Variants in R3HDM1 observed in about 807,000 individuals in gnomAD.
The protein encoded by R3HDM1 is R3H domain-containing protein 1.
In R3HDM1, 46 loss-of-function variants were observed where a neutral mutation model predicts 141.1. The ratio of observed to expected loss-of-function variants is 0.33; its 90% confidence interval spans 0.26 to 0.42. The LOEUF is 0.42. Among genes scored for constraint, R3HDM1 ranks in the 10% least tolerant of loss-of-function variants. The pLI, the probability that R3HDM1 is intolerant of heterozygous loss-of-function variation, is 1.00. For missense variants in R3HDM1, 1,184 were observed against 1,368.3 expected (o/e 0.87, Z 2.12); for synonymous variants, 435 against 472.9 (o/e 0.92, Z 1.04).
At chr2:135,708,384 C>CT (rs958375167) in intron 21 of R3HDM1, among the ~76,000 whole-genome samples, 1 of 152,164 alleles carries the variant, frequency 6.6e-6, no homozygotes, top group Non-Finnish European at 1.5e-5. Flanking sequence ...TTTAACATGT[C>CT]TTCCTGTATT....
intron 19 of R3HDM1, among the ~76,000 whole-genome samples, chr2:135,668,109 C>T (rs763218823): frequency 3.3e-5 from 5 of 152,094 alleles, no homozygotes; most frequent in African/African-American, 4.8e-5. Context: ...GAGTAAGGTT[C>T]TTATCTTTGA....
At chr2:135,616,234 TC>T in intron 4 of R3HDM1, 41 bp downstream of exon 4, 1 of 1,551,718 alleles carries the variant, frequency 6.4e-7, no homozygotes, top group Non-Finnish European at 8.9e-7. Flanking sequence ...CCAAGGGCCT[TC>T]CTTCATGCTT....
intron 21 of R3HDM1, among the ~76,000 whole-genome samples, chr2:135,696,342 G>A (rs2105393625): frequency 6.6e-6 from 1 of 152,304 alleles, no homozygotes; most frequent in Non-Finnish European, 1.5e-5. Flanking sequence ...AGAGTTTATG[G>A]GGAAGAAGGG....
chr2:135,649,027 C>T (rs2064808010), intron 16 of R3HDM1: 1 of 149,614 alleles, frequency 6.7e-6, no homozygotes, highest in South Asian at 2.1e-4. Flanking sequence ...GTTCCTTAGG[C>T]TATTATTCTT....
chr2:135,594,707 G>C (rs989015246), intron 1 of R3HDM1, among the ~76,000 whole-genome samples: 4 of 152,060 alleles, frequency 2.6e-5, no homozygotes, highest in African/African-American at 4.8e-5. Flanking sequence ...ATACATTTCA[G>C]GCTTATTCAC....
rs1695966534 is a variant in R3HDM1, at chr2:135,535,775, A to T, written c.-250+4142A>T. ...AACACATTTGCTTGTACCTAATGAG[A>T]CGTTAGCATCAACATGACTGTATAT... On this transcript the variant is annotated intron_variant, in intron 1 of 26. Coordinates refer to ENST00000683871, the MANE Select transcript of R3HDM1 (RefSeq NM_001378107.1). 3.3e-5 allele frequency among the ~76,000 whole-genome samples: 5 copies of T among 152,320 alleles called. No individual in the cohort carries two copies. In the South Asian group the frequency reaches 1.0e-3, roughly 32 times the overall value.
At chr2:135,632,658 C>A (rs149138207) in intron 9 of R3HDM1, among the ~76,000 whole-genome samples, 4 of 152,138 alleles carry the variant, frequency 2.6e-5, no homozygotes, top group African/African-American at 9.7e-5. Context: ...ACAGCACATC[C>A]GTTACATCTT....
At chr2:135,563,167 A>C (rs934739016) in intron 1 of R3HDM1, among the ~76,000 whole-genome samples, 1 of 152,192 alleles carries the variant, frequency 6.6e-6, no homozygotes, top group African/African-American at 2.4e-5. Flanking sequence ...GATCATACTC[A>C]GGCACTCTGA....
chr2:135,566,296 T>TA (rs1702779302), intron 1 of R3HDM1, among the ~76,000 whole-genome samples: 2 of 152,280 alleles, frequency 1.3e-5, no homozygotes, highest in East Asian at 3.9e-4. Flanking sequence ...TTTTTTGCTT[T>TA]AAAAAAACTT....
chr2:135,597,071 A>G, intron 1 of R3HDM1: 5 of 982,290 alleles, frequency 5.1e-6, no homozygotes, highest in Non-Finnish European at 6.0e-6. Context: ...TTGCCTCTCC[A>G]TATAACTTTT....
At chr2:135,561,975 G>A (rs1679276765) in intron 1 of R3HDM1, among the ~76,000 whole-genome samples, 1 of 152,106 alleles carries the variant, frequency 6.6e-6, no homozygotes, top group African/African-American at 2.4e-5. Flanking sequence ...TACATTAAAG[G>A]CCACCAAGTT....
chr2:135,626,690 T>G (rs1258644856), intron 7 of R3HDM1, among the ~76,000 whole-genome samples: 10 of 152,226 alleles, frequency 6.6e-5, no homozygotes, highest in Admixed American at 6.5e-4. Context: ...TTTTTAACTG[T>G]ACGGTTTAAT....
chr2:135,615,100 G>A (rs1483007609), intron 3 of R3HDM1, among the ~76,000 whole-genome samples: 1 of 151,950 alleles, frequency 6.6e-6, no homozygotes, highest in East Asian at 1.9e-4. Context: ...TCTGTAGTTT[G>A]TATAATCTAG....
intron 21 of R3HDM1, among the ~76,000 whole-genome samples, chr2:135,701,965 ATG>A (rs1455509261): frequency 3.4e-5 from 5 of 147,950 alleles, no homozygotes; most frequent in Non-Finnish European, 4.5e-5. Context: ...TTCACTTAAC[ATG>A]TACATTTCAG....
At chr2:135,646,678 G>A (rs952071908) in intron 16 of R3HDM1, among the ~76,000 whole-genome samples, 8 of 150,876 alleles carry the variant, frequency 5.3e-5, no homozygotes, top group African/African-American at 7.3e-5. Context: ...TGAAACCCCC[G>A]TCTCTACTAA....
chr2:135,575,704 A>G (rs889513332), intron 1 of R3HDM1, among the ~76,000 whole-genome samples: 3 of 152,240 alleles, frequency 2.0e-5, no homozygotes, highest in Non-Finnish European at 2.9e-5. Flanking sequence ...AAGATTAAAT[A>G]CTTATTAAAC....
At chr2:135,622,218 TTCTA>T in intron 6 of R3HDM1, 1 of 984,680 alleles carries the variant, frequency 1.0e-6, no homozygotes, top group Non-Finnish European at 1.2e-6. Context: ...CAACTAAAAT[TTCTA>T]TCTACCTCCA....
intron 1 of R3HDM1, among the ~76,000 whole-genome samples, chr2:135,560,807 A>C (rs1430900207): frequency 6.6e-6 from 1 of 152,134 alleles, no homozygotes; most frequent in Admixed American, 6.5e-5. Flanking sequence ...CTCATTCTGG[A>C]GTGTGAGGAG....
intron 1 of R3HDM1, among the ~76,000 whole-genome samples, chr2:135,555,401 A>T (rs960763616): frequency 2.0e-5 from 3 of 152,176 alleles, no homozygotes; most frequent in Non-Finnish European, 4.4e-5. Flanking sequence ...AAATCAGATA[A>T]TAACAACAGT....
Sources: gnomAD v4.1 joint callset for allele counts (sites outside exome capture counted in the v4.1 genomes callset) on GRCh38, gnomAD v4.1.1 for gene constraint, MANE v1.5 for transcripts, NCBI Gene and HGNC (gene_info 2026-07-23, HGNC 2026-07-21) for gene names.